ZNF385D: variants seen among roughly 807,000 people sequenced by gnomAD.
The protein encoded by ZNF385D is zinc finger protein 659.
Under a neutral mutation model 35.8 loss-of-function variants are expected in ZNF385D, and 15 were observed. The ratio of observed to expected loss-of-function variants is 0.42; its 90% confidence interval spans 0.28 to 0.64. ZNF385D has a LOEUF of 0.64. Among genes scored for constraint, ZNF385D ranks in the 30% least tolerant of loss-of-function variants. The pLI, the probability that ZNF385D is intolerant of heterozygous loss-of-function variation, is 0.23. For missense variants in ZNF385D, 474 were observed against 494.6 expected (o/e 0.96, Z 0.39); for synonymous variants, 212 against 186.8 (o/e 1.13, Z -1.10).
chr3:21,627,126 G>A, intron 2 of ZNF385D, among the ~76,000 whole-genome samples: 1 of 151,012 alleles, frequency 6.6e-6, no homozygotes, highest in East Asian at 2.0e-4. Context: ...TATGTCTTTT[G>A]GTGTTAAATA....
At chr3:21,499,394 T>G (rs533504756) in intron 4 of ZNF385D, among the ~76,000 whole-genome samples, 5 of 152,226 alleles carry the variant, frequency 3.3e-5, no homozygotes, top group Admixed American at 2.6e-4. Context: ...AACCAAATAC[T>G]GAATATTTTC....
intron 3 of ZNF385D, among the ~76,000 whole-genome samples, chr3:21,763,557 A>G (rs986609666): frequency 1.3e-5 from 2 of 152,200 alleles, no homozygotes; most frequent in African/African-American, 2.4e-5. Flanking sequence ...CCTATAATAT[A>G]TAACATTATA....
chr3:21,689,218 A>AATACAGTACTATATTTATATAC (rs1287819403), intron 1 of ZNF385D, among the ~76,000 whole-genome samples: 4 of 152,098 alleles, frequency 2.6e-5, no homozygotes, highest in Admixed American at 6.6e-5. Context: ...CTATGCTCTA[A>AATACAGTACTATATTTATATAC]TAAAATACAG....
intron 3 of ZNF385D, among the ~76,000 whole-genome samples, chr3:22,100,800 T>C (rs1433078654): frequency 1.3e-5 from 2 of 151,496 alleles, no homozygotes; most frequent in Admixed American, 6.6e-5. Context: ...AACCTGCACA[T>C]TGTGCACATG....
chr3:21,630,466 A>G lies in ZNF385D; in HGVS notation c.165+34420T>C, dbSNP rs568467008. ...GTGATCTGCCCGCTTCAACCTCCCA[A>G]AGTGCTGGGAAAACAAGCGTGAGCC... On this transcript the variant is annotated intron_variant, in intron 2 of 7. Transcript: ENST00000281523. Among the ~76,000 whole-genome samples the G allele has an allele frequency of 2.0e-5, 3 of 152,100 alleles. No individual in the cohort carries two copies. In the South Asian group the frequency reaches 6.2e-4, roughly 32 times the overall value.
chr3:22,248,655 C>G (rs1030442991), intron 2 of ZNF385D, among the ~76,000 whole-genome samples: 1 of 152,142 alleles, frequency 6.6e-6, no homozygotes, highest in East Asian at 1.9e-4. Context: ...TTAATCTCTT[C>G]TTCCATAACT....
Position 21,425,484 on chromosome 3 carries a change from C to A in ZNF385D, c.852+8G>T. On this transcript the variant is annotated splice_region_variant and intron_variant, in intron 6 of 7. Coordinates refer to ENST00000281523, the MANE Select transcript of ZNF385D (RefSeq NM_024697.3). Reference sequence around the variant, plus strand: ...TTGGTTTTCATTCCTAGAATACGTGCTGTTTACCTGTTTAAGTTGCGTTTC... The same window carrying A: ...TTGGTTTTCATTCCTAGAATACGTGATGTTTACCTGTTTAAGTTGCGTTTC... 6.3e-7 allele frequency: 1 copy of A among 1,582,336 alleles called. No homozygotes were observed. The highest frequency in any genetic ancestry group is 8.6e-7 in the Non-Finnish European group (1 of 1,161,704).
At chr3:22,006,525 T>C (rs759350904) in intron 3 of ZNF385D, among the ~76,000 whole-genome samples, 1 of 151,400 alleles carries the variant, frequency 6.6e-6, no homozygotes, top group Non-Finnish European at 1.5e-5. Context: ...CAGTAATAAA[T>C]GAAGAACAGG....
At chr3:22,215,282 A>C (rs572779778) in intron 2 of ZNF385D, among the ~76,000 whole-genome samples, 1 of 152,194 alleles carries the variant, frequency 6.6e-6, no homozygotes, top group Admixed American at 6.6e-5. Context: ...AAGGAACAAG[A>C]GAGATAACCT....
chr3:22,243,063 G>C (rs1022185082), intron 2 of ZNF385D, among the ~76,000 whole-genome samples: 1 of 151,018 alleles, frequency 6.6e-6, no homozygotes. Flanking sequence ...TAAAACTTCT[G>C]TGCATTAAAT....
At position 22,326,395 on chromosome 3, in the gene ZNF385D, G is replaced by A. The variant is rs79243053; in HGVS notation, c.106+46055C>T. 2.5e-3 allele frequency among the ~76,000 whole-genome samples: 376 copies of A among 152,266 alleles called. 1 individual carries two copies. Among genetic ancestry groups the A allele is most frequent in the African/African-American group, 8.8e-3 (364 of 41,548 alleles). On this transcript the variant is annotated intron_variant, in intron 2 of 5. Transcript: ENST00000494108. ...CACTGTCAAAGAAGCTCGTGGGGTG[G>A]GAGTGTGAGCCAGGGGTCTAGCCTA...
chr3:21,947,294 G>T (rs980761953), intron 3 of ZNF385D, among the ~76,000 whole-genome samples: 1 of 152,022 alleles, frequency 6.6e-6, no homozygotes, highest in Non-Finnish European at 1.5e-5. Flanking sequence ...GTACAGTTAA[G>T]CCACTCTCTT....
At chr3:21,783,194 C>A (rs1368724923) in intron 3 of ZNF385D, among the ~76,000 whole-genome samples, 3 of 152,078 alleles carry the variant, frequency 2.0e-5, no homozygotes. Flanking sequence ...AAATACATGG[C>A]ATCTGAAACA....
chr3:21,716,951 G>A (rs1450958980), intron 1 of ZNF385D, among the ~76,000 whole-genome samples: 8 of 151,884 alleles, frequency 5.3e-5, no homozygotes, highest in Middle Eastern at 3.2e-3. Flanking sequence ...GTGAAACCCC[G>A]TCTCTACTAA....
chr3:22,176,797 T>G (rs902355993), intron 2 of ZNF385D, among the ~76,000 whole-genome samples: 17 of 152,162 alleles, frequency 1.1e-4, no homozygotes, highest in African/African-American at 4.1e-4. Context: ...CACTAAAATA[T>G]TTTTGAGGCC....
chr3:21,782,322 A>T (rs900474220), intron 3 of ZNF385D, among the ~76,000 whole-genome samples: 1 of 152,104 alleles, frequency 6.6e-6, no homozygotes, highest in Non-Finnish European at 1.5e-5. Flanking sequence ...CAAGTTTAGA[A>T]CTGAGGGAAA....
intron 1 of ZNF385D, among the ~76,000 whole-genome samples, chr3:21,681,298 T>TAAAAA (rs55872870): frequency 0.045 from 2,885 of 64,426 alleles, 735 homozygotes; most frequent in South Asian, 0.051. Flanking sequence ...ATTCCATCAG[T>TAAAAA]AAAAAAAAAA....
intron 3 of ZNF385D, among the ~76,000 whole-genome samples, chr3:21,814,651 C>T (rs2073071351): frequency 6.6e-6 from 1 of 152,142 alleles, no homozygotes; most frequent in African/African-American, 2.4e-5. Context: ...AATATATATG[C>T]ACCCAATACA....
At chr3:21,749,738 T>A (rs1161013676) in intron 1 of ZNF385D, among the ~76,000 whole-genome samples, 3 of 152,198 alleles carry the variant, frequency 2.0e-5, no homozygotes, top group Admixed American at 1.3e-4. Flanking sequence ...TCAAGACAAC[T>A]AAAGGCATTT....
Sources: allele counts gnomAD v4.1 joint callset (sites outside exome capture counted in the v4.1 genomes callset), GRCh38; gene constraint gnomAD v4.1.1; transcripts MANE v1.5; gene names NCBI Gene and HGNC (gene_info 2026-07-23, HGNC 2026-07-21).